Variants in NBPF12 observed in about 807,000 individuals in gnomAD.
The protein encoded by NBPF12 is NBPF family member NBPF12.
Under a neutral mutation model 146.4 loss-of-function variants are expected in NBPF12, and 115 were observed. That is an observed-to-expected ratio of 0.79 (90% CI 0.68 to 0.92). The LOEUF is 0.92. Ranked by LOEUF, NBPF12 falls within the 40% of genes least tolerant of loss-of-function variation. The pLI, the probability that NBPF12 is intolerant of heterozygous loss-of-function variation, is 0.00. For synonymous variants in NBPF12, 385 were observed against 508.9 expected (o/e 0.76, Z 3.28); for missense variants, 1,205 against 1,326.8 (o/e 0.91, Z 1.43).
At chr1:146,980,299 A>C (rs1343694520) in intron 19 of NBPF12, among the ~76,000 whole-genome samples, 1 of 152,068 alleles carries the variant, frequency 6.6e-6, no homozygotes, top group Non-Finnish European at 1.5e-5. Context: ...TAACTGGGGC[A>C]TTTAGCCCCT....
Position 146,962,163 on chromosome 1 carries a change from T to C in NBPF12, c.178T>C (p.Tyr60His), listed in dbSNP as rs1273402077. The C allele has an allele frequency of 2.5e-6, 4 of 1,608,578 alleles. No individual in the cohort carries two copies. In the African/African-American group the frequency reaches 4.0e-5, roughly 16 times the overall value. ...AGGCGTGTCTGTCTTTTTCTCAGAG[T>C]ATGAAGAGTGTAAAGACCTCATAAA... Residue 60 changes from tyrosine to histidine, a missense_variant and splice_region_variant, in exon 5 of 34, where the codon TAT becomes CAT. Physicochemically the swap from Tyr to His is moderately conservative, Grantham distance 83. Transcript: ENST00000617844.
chr1:146,984,908 C>T, exon 22 of NBPF12: 5 of 1,595,164 alleles, frequency 3.1e-6, no homozygotes, highest in South Asian at 2.2e-5. Context: ...CTTGGACTGA[C>T]TGACTCATGC....
At chr1:146,945,296 GCCT>G (rs1243192344), upstream of NBPF12, among the ~76,000 whole-genome samples, 6 of 151,330 alleles carry the variant, frequency 4.0e-5, 1 homozygote, top group African/African-American at 1.5e-4. Context: ...GGTCCTCCCA[GCCT>G]CCTCCTCCTC....
At chr1:146,970,768 T>C (rs1409373997) in intron 12 of NBPF12, 49 bp downstream of exon 15, 6 of 1,272,852 alleles carry the variant, frequency 4.7e-6, no homozygotes, top group Non-Finnish European at 3.4e-6. Context: ...CATATGAAAA[T>C]GTCTAGGAGG....
chr1:146,972,032 G>T (rs1656666432), intron 13 of NBPF12, among the ~76,000 whole-genome samples: 1 of 148,640 alleles, frequency 6.7e-6, no homozygotes, highest in Admixed American at 6.7e-5. Context: ...ATCTTGCAGT[G>T]AGCCGAGATT....
rs782188621 is a variant in NBPF12, at chr1:146,994,347, G to A, written c.4146G>A (p.Leu1382=). Residue 1382 remains leucine (L), a synonymous_variant, in exon 34 of 34, where the codon CTG becomes CTA. Coordinates refer to ENST00000617844, the Ensembl canonical transcript of NBPF12. ...CCTTTTCCAGGCTCAACAGCGTGCT[G>A]ATGGAAGTGGAAGAGCCTGAAGTCT... 3 of 1,611,672 alleles carry A rather than the reference G, an allele frequency of 1.9e-6. No homozygotes were observed. The South Asian group carries it at 3.3e-5, about 18-fold the overall frequency.
chr1:146,976,397 G>A (rs1422314732), intron 16 of NBPF12, among the ~76,000 whole-genome samples: 1 of 132,386 alleles, frequency 7.6e-6, no homozygotes, highest in Non-Finnish European at 1.6e-5. Flanking sequence ...TCTCCGTGTG[G>A]TGTTGGAGAA....
chr1:146,954,389 CAAAAAAAAAAAA>C (rs1170420550), intron 2 of NBPF12, among the ~76,000 whole-genome samples: 2 of 24,020 alleles, frequency 8.3e-5, no homozygotes, highest in African/African-American at 1.2e-4. Context: ...GACTCTGTCT[CAAAAAAAAAAAA>C]AAAAAAAAAA....
At chr1:146,967,214 G>T (rs1347415930) in intron 9 of NBPF12, among the ~76,000 whole-genome samples, 3 of 150,278 alleles carry the variant, frequency 2.0e-5, no homozygotes, top group Admixed American at 6.6e-5. Flanking sequence ...CAAGAGCAGG[G>T]AGTAGGGGCC....
intron 11 of NBPF12, among the ~76,000 whole-genome samples, chr1:146,969,879 AGG>A (rs1656471086): frequency 2.7e-5 from 4 of 150,924 alleles, no homozygotes; most frequent in East Asian, 2.0e-4. Flanking sequence ...CTGTGATGGG[AGG>A]GCGCTTGTTG....
intron 4 of NBPF12, among the ~76,000 whole-genome samples, chr1:146,960,566 A>C (rs1256708964): frequency 9.2e-5 from 14 of 152,034 alleles, no homozygotes; most frequent in African/African-American, 2.9e-4. Flanking sequence ...TTTCTGACAC[A>C]GGCACAGAAT....
At chr1:146,970,092 A>G (rs1656491954) in intron 11 of NBPF12, among the ~76,000 whole-genome samples, 1 of 149,402 alleles carries the variant, frequency 6.7e-6, no homozygotes, top group African/African-American at 2.5e-5. Context: ...AATGAGATGA[A>G]GCCCCTCTCG....
chr1:146,965,506 G>A (rs1364233746), intron 8 of NBPF12, among the ~76,000 whole-genome samples: 2 of 151,048 alleles, frequency 1.3e-5, no homozygotes, highest in African/African-American at 2.5e-5. Flanking sequence ...GTCTTGGCTG[G>A]GCACAGTGGG....
chr1:146,987,514 T>G (rs1420487865), intron 25 of NBPF12, among the ~76,000 whole-genome samples: 1 of 152,070 alleles, frequency 6.6e-6, no homozygotes, highest in African/African-American at 2.4e-5. Flanking sequence ...AAAAACTGTA[T>G]TCTCATGGTG....
upstream of NBPF12, among the ~76,000 whole-genome samples, chr1:146,947,761 C>T (rs1553883489): frequency 4.7e-5 from 7 of 149,862 alleles, no homozygotes; most frequent in Non-Finnish European, 1.0e-4. Context: ...ATGTAGTGGA[C>T]TATTGTGTTC....
chr1:146,994,492 C>A (rs1453472500), exon 34 of NBPF12: 2 of 1,609,238 alleles, frequency 1.2e-6, no homozygotes, highest in Non-Finnish European at 1.7e-6. Flanking sequence ...CACCTTTGCC[C>A]TTGACATGGA....
chr1:146,995,610 T>C (rs1420442298), exon 34 of NBPF12: 4 of 151,380 alleles, frequency 2.6e-5, no homozygotes, highest in African/African-American at 9.8e-5. Context: ...ATGATCTACA[T>C]TCTGAAGTTG....
chr1:146,989,408 C>T (rs1223582660), intron 27 of NBPF12, among the ~76,000 whole-genome samples, 166 bp from the exon 31 acceptor site: 22 of 151,538 alleles, frequency 1.5e-4, no homozygotes, highest in African/African-American at 5.3e-4. Flanking sequence ...TTGTTTTCTA[C>T]CTGGCCCTGT....
exon 7 of NBPF12, chr1:146,964,418 A>C: frequency 6.2e-7 from 1 of 1,601,670 alleles, no homozygotes; most frequent in South Asian, 1.1e-5. Context: ...TACTGGAATC[A>C]TCTGCCCCCA....
Sources: allele counts gnomAD v4.1 joint callset (sites outside exome capture counted in the v4.1 genomes callset), GRCh38; gene constraint gnomAD v4.1.1; transcripts MANE v1.5; gene names NCBI Gene and HGNC (gene_info 2026-07-23, HGNC 2026-07-21).